The following TXNRD2 variants were observed in gnomAD, a reference collection of about 807,000 sequenced individuals.
TXNRD2 encodes thioredoxin reductase 2, mitochondrial.
In TXNRD2, 67 loss-of-function variants were observed where a neutral mutation model predicts 70.8. The ratio of observed to expected loss-of-function variants is 0.95; its 90% CI spans 0.78 to 1.16. TXNRD2 has a LOEUF of 1.16. Ranked by LOEUF, TXNRD2 falls within the 50% of genes most tolerant of loss-of-function variation. The pLI is 0.00. For missense variants in TXNRD2, 644 were observed against 719.9 expected, an observed-to-expected ratio of 0.89 and a Z score of 1.21; for synonymous variants, 301 against 295.8, an observed-to-expected ratio of 1.02 and a Z score of -0.18.
At chr22:19,940,135 C>A (rs5992496) in intron 1 of TXNRD2, among the ~76,000 whole-genome samples, 1,982 of 148,920 alleles carry the variant, frequency 0.013, 45 homozygotes, top group African/African-American at 0.046. Flanking sequence ...GTCCCAGCTA[C>A]TCGGGAGGCT....
chr22:19,879,045 G>A (rs1378289191), intron 14 of TXNRD2, among the ~76,000 whole-genome samples: 2 of 152,244 alleles, frequency 1.3e-5, no homozygotes, highest in Non-Finnish European at 2.9e-5. Context: ...AACTAAGACA[G>A]AATTGAAAAG....
rs767236339 is a variant in TXNRD2 at position 19,919,598 on chromosome 22, G to T, written c.174C>A (p.Ala58=). The T allele has an allele frequency of 8.3e-6, 13 of 1,559,116 alleles. No homozygotes were observed. Among genetic ancestry groups the T allele is most frequent in the Non-Finnish European group, 1.1e-5 (13 of 1,152,186 alleles). The part of the protein sequence containing the change: ...GSGGLACAKE[A]AQLGRKVAVV... ...CGGCCACCTTCCTTCCCAGCTGGGC[G>T]GCTGGAAGGATAAGGAGAGCAGCAG... Residue 58 remains alanine (A), a splice_region_variant and synonymous_variant, in exon 3 of 18, where the codon GCC becomes GCA. Transcript: ENST00000400521.
intron 11 of TXNRD2, among the ~76,000 whole-genome samples, chr22:19,885,239 G>T (rs1270982510): frequency 6.6e-6 from 1 of 152,220 alleles, no homozygotes; most frequent in Non-Finnish European, 1.5e-5. Context: ...GCTCCCAGGG[G>T]CTCAGGATGA....
chr22:19,888,044 A>G (rs1939107218), intron 11 of TXNRD2: 1 of 152,308 alleles, frequency 6.6e-6, no homozygotes, highest in Non-Finnish European at 1.5e-5. Context: ...CCAGGTACAA[A>G]TGGACGTGCT....
At chr22:19,916,745 T>C (rs1940657287) in intron 5 of TXNRD2, among the ~76,000 whole-genome samples, 1 of 151,942 alleles carries the variant, frequency 6.6e-6, no homozygotes, top group Non-Finnish European at 1.5e-5. Context: ...ACTGGAACTA[T>C]AGGCATGGGC....
chr22:19,926,864 G>T (rs1601471836), intron 2 of TXNRD2, among the ~76,000 whole-genome samples: 1 of 152,342 alleles, frequency 6.6e-6, no homozygotes, highest in Non-Finnish European at 1.5e-5. Context: ...ATTAGTGGTT[G>T]CCAGGGGCTG....
At chr22:19,905,616 C>T (rs1304702430) in intron 8 of TXNRD2, among the ~76,000 whole-genome samples, 1 of 152,104 alleles carries the variant, frequency 6.6e-6, no homozygotes. Flanking sequence ...CCCAGTACAT[C>T]GAGGGGCCCA....
intron 8 of TXNRD2, 23 bp downstream of exon 8, chr22:19,911,354 C>T: frequency 7.5e-6 from 12 of 1,602,770 alleles, no homozygotes; most frequent in Non-Finnish European, 1.0e-5. Context: ...AAGAGGACCC[C>T]ACCAAGCACG....
At chr22:19,935,257 G>A (rs925015296) in intron 1 of TXNRD2, among the ~76,000 whole-genome samples, 10 of 152,154 alleles carry the variant, frequency 6.6e-5, no homozygotes, top group Admixed American at 5.9e-4. Context: ...GGCCACTCTG[G>A]GAGTGTCTGT....
intron 5 of TXNRD2, among the ~76,000 whole-genome samples, chr22:19,917,127 G>A (rs2146040670): frequency 6.6e-6 from 1 of 152,348 alleles, no homozygotes; most frequent in African/African-American, 2.4e-5. Context: ...CTTTTCAGAA[G>A]AGTGAAAAAG....
intron 2 of TXNRD2, among the ~76,000 whole-genome samples, chr22:19,924,403 A>C (rs1941040817): frequency 6.6e-6 from 1 of 152,188 alleles, no homozygotes; most frequent in Non-Finnish European, 1.5e-5. Flanking sequence ...CAGCTGCAGC[A>C]TCTTCACCTG....
intron 11 of TXNRD2, among the ~76,000 whole-genome samples, chr22:19,884,984 C>T (rs1463836573): frequency 2.0e-5 from 3 of 152,180 alleles, no homozygotes; most frequent in Admixed American, 2.0e-4. Context: ...GCAGCTGGCT[C>T]AGCTGATCCT....
Position 19,918,043 on chromosome 22 carries a change from G to T in TXNRD2, c.449+100C>A, listed in dbSNP as rs557666571. On this transcript the variant is annotated intron_variant, in intron 5 of 17. Transcript: ENST00000400521. ...AGCAGGACATGAACCCCCAGAGCCT[G>T]CCAGAGCATGCTCTGCACAGTAAGT... 1.4e-4 allele frequency: 151 copies of T among 1,056,428 alleles called. 1 individual carries two copies. The South Asian group carries it at 1.9e-3, about 13-fold the overall frequency. The allele number at this position is 1,056,428 out of a possible 1,614,324, so 65.4% of individuals were successfully genotyped here.
At chr22:19,903,270 C>A (rs1939859363) in intron 8 of TXNRD2, among the ~76,000 whole-genome samples, 1 of 152,244 alleles carries the variant, frequency 6.6e-6, no homozygotes, top group Non-Finnish European at 1.5e-5. Context: ...TGGTTGTTTC[C>A]GGGAAGCAGT....
chr22:19,941,678 G>A (rs1485118370), intron 1 of TXNRD2, 23 bp downstream of exon 1: 2 of 1,459,420 alleles, frequency 1.4e-6, no homozygotes, highest in Non-Finnish European at 1.8e-6. Flanking sequence ...ACCTACCGCG[G>A]GGACGCCCCG....
chr22:19,880,938 A>C, intron 12 of TXNRD2: 1 of 589,834 alleles, frequency 1.7e-6, no homozygotes, highest in Non-Finnish European at 3.0e-6. Flanking sequence ...GCTGCCCTCC[A>C]CTCTGCCCTG....
intron 11 of TXNRD2, among the ~76,000 whole-genome samples, chr22:19,889,339 G>A (rs1159441672): frequency 3.3e-5 from 5 of 152,206 alleles, no homozygotes; most frequent in Non-Finnish European, 5.9e-5. Flanking sequence ...TAGACCGGGT[G>A]CAGTGGCTCA....
chr22:19,915,112 T>G, intron 7 of TXNRD2, 102 bp downstream of exon 7: 1 of 1,048,456 alleles, frequency 9.5e-7, no homozygotes, highest in Non-Finnish European at 1.5e-6. Context: ...GGAAAGGGTG[T>G]GCAAGCTGCT....
chr22:19,921,499 T>A (rs1278460959), intron 2 of TXNRD2, among the ~76,000 whole-genome samples: 3 of 147,304 alleles, frequency 2.0e-5, no homozygotes, highest in South Asian at 2.2e-4. Flanking sequence ...AGATTTACCC[T>A]CCCCCTGAAG....
Sources: gnomAD v4.1 joint callset for allele counts (sites outside exome capture counted in the v4.1 genomes callset) on GRCh38, gnomAD v4.1.1 for gene constraint, MANE v1.5 for transcripts, NCBI Gene and HGNC (gene_info 2026-07-23, HGNC 2026-07-21) for gene names.